Variants in IL1RAPL2 observed in about 807,000 individuals in gnomAD.
IL1RAPL2 encodes interleukin 1 receptor accessory protein like 2.
In IL1RAPL2, 3 loss-of-function variants were observed where a neutral mutation model predicts 44.1. That is an observed-to-expected ratio of 0.07 (90% CI 0.03 to 0.18). The LOEUF (loss-of-function observed/expected upper bound fraction) is 0.18. IL1RAPL2 is among the 10% of genes least tolerant of loss of function. The pLI, the probability that IL1RAPL2 is intolerant of heterozygous loss-of-function variation, is 1.00. For missense variants in IL1RAPL2, 391 were observed against 496.4 expected, an observed-to-expected ratio of 0.79 and a Z score of 2.02; for synonymous variants, 181 against 178.8, an observed-to-expected ratio of 1.01 and a Z score of -0.10.
At chrX:105,156,256 C>T (rs1469597587) in intron 2 of IL1RAPL2, among the ~76,000 whole-genome samples, 2 of 111,528 alleles carry the variant, frequency 1.8e-5, no homozygotes, top group Non-Finnish European at 3.8e-5. Context: ...TCTTAGGGGG[C>T]TTGGATTGAT....
chrX:105,388,919 A>G (rs1287468285), intron 5 of IL1RAPL2, among the ~76,000 whole-genome samples: 1 of 111,615 alleles, frequency 9.0e-6, no homozygotes, highest in African/African-American at 3.2e-5. Flanking sequence ...GTAACTTGAG[A>G]TGCAAGCTTA....
chrX:104,920,908 A>G (rs1378479599), intron 2 of IL1RAPL2, among the ~76,000 whole-genome samples: 2 of 110,775 alleles, frequency 1.8e-5, no homozygotes, highest in African/African-American at 3.3e-5. Context: ...TTGAGACAAA[A>G]CACTGAAATT....
chrX:105,542,423 AC>A (rs2036745641), intron 6 of IL1RAPL2, among the ~76,000 whole-genome samples: 1 of 110,773 alleles, frequency 9.0e-6, no homozygotes, highest in South Asian at 3.8e-4. Context: ...CGTAGAATAA[AC>A]CCCCCTCTTG....
intron 3 of IL1RAPL2, among the ~76,000 whole-genome samples, chrX:105,215,960 C>T (rs1350662451): frequency 2.7e-5 from 3 of 111,383 alleles, no homozygotes; most frequent in Non-Finnish European, 5.6e-5. Context: ...TGGAACATAT[C>T]TCAAAATAAT....
chrX:105,544,053 G>C (rs914996905), intron 6 of IL1RAPL2, among the ~76,000 whole-genome samples: 13 of 111,611 alleles, frequency 1.2e-4, no homozygotes, highest in African/African-American at 4.2e-4. Flanking sequence ...CATGAGCATG[G>C]AGTGTGTTTC....
At chrX:105,175,788 T>C (rs955498070) in intron 2 of IL1RAPL2, among the ~76,000 whole-genome samples, 2 of 111,139 alleles carry the variant, frequency 1.8e-5, no homozygotes, top group Admixed American at 1.9e-4. Context: ...TAACAGCATA[T>C]AACTAATTTG....
chrX:105,181,117 C>T (rs57729491), intron 2 of IL1RAPL2, among the ~76,000 whole-genome samples: 2,465 of 111,781 alleles, frequency 0.022, 56 homozygotes, highest in African/African-American at 0.076. Context: ...AGTTTGTGAG[C>T]ATACAGTTAT....
At chrX:104,594,388 T>G (rs1928724030) in intron 1 of IL1RAPL2, among the ~76,000 whole-genome samples, 1 of 111,822 alleles carries the variant, frequency 8.9e-6, no homozygotes, top group African/African-American at 3.2e-5. Flanking sequence ...CTTGCCTAAG[T>G]TTCTATATAA....
In IL1RAPL2 at chrX:105,709,518, C is replaced by T. The variant is rs751559228; in HGVS notation, c.773-7849C>T. Among the ~76,000 whole-genome samples the T allele has an allele frequency of 3.6e-5, 4 of 111,924 alleles. No individual in the cohort carries two copies. The South Asian group carries it at 1.5e-3, about 42-fold the overall frequency. ...GGCCAGCTACAAAATATGAGAACATCAGACCTGAAAGAGTCCTTAGAGATT... is the reference window on the plus strand; with the variant it reads ...GGCCAGCTACAAAATATGAGAACATTAGACCTGAAAGAGTCCTTAGAGATT... On this transcript the variant is annotated intron_variant, in intron 6 of 10. Transcript: ENST00000372582.
chrX:105,046,260 T>A (rs931892858), intron 2 of IL1RAPL2, among the ~76,000 whole-genome samples: 1 of 111,730 alleles, frequency 9.0e-6, no homozygotes, highest in Admixed American at 9.5e-5. Flanking sequence ...CAAATATGGC[T>A]TGAAGTAACC....
At chrX:105,044,069 A>G (rs998905723) in intron 2 of IL1RAPL2, among the ~76,000 whole-genome samples, 2 of 111,527 alleles carry the variant, frequency 1.8e-5, no homozygotes, top group Non-Finnish European at 3.8e-5. Context: ...TCAGGCCACT[A>G]AATGCATTAA....
intron 6 of IL1RAPL2, among the ~76,000 whole-genome samples, chrX:105,520,568 T>A (rs1439572247): frequency 8.9e-6 from 1 of 111,798 alleles, no homozygotes; most frequent in Admixed American, 9.5e-5. Flanking sequence ...GACTTAAAAT[T>A]GTGCCATATA....
chrX:105,666,750 T>G (rs1252936530), intron 6 of IL1RAPL2, among the ~76,000 whole-genome samples: 1 of 111,556 alleles, frequency 9.0e-6, no homozygotes, highest in Non-Finnish European at 1.9e-5. Flanking sequence ...GCATTTATAG[T>G]CCTATCTTAT....
chrX:105,082,588 G>A (rs1337341360), intron 2 of IL1RAPL2, among the ~76,000 whole-genome samples: 2 of 111,148 alleles, frequency 1.8e-5, no homozygotes, highest in African/African-American at 6.6e-5. Flanking sequence ...CTGGGTTGAA[G>A]CTTCTAGAGG....
Position 105,454,926 on chromosome X carries a change from A to G in IL1RAPL2, c.698-29387A>G, listed in dbSNP as rs777236774. On this transcript the variant is annotated intron_variant, in intron 5 of 10. Transcript: ENST00000372582. The stretch of plus-strand genomic sequence containing the variant: ...TTAAAAACTGCCCACAGCCCAGACT[A>G]CTGAAGCACTAGCGGATACCACTGA... Among the ~76,000 whole-genome samples the G allele has an allele frequency of 1.3e-4, 14 of 109,499 alleles. No homozygotes were observed. In the East Asian group the frequency reaches 4.1e-3, roughly 32 times the overall value.
In IL1RAPL2 at chrX:104,996,762, G is replaced by T. The variant is rs369060092; in HGVS notation, c.83-198713G>T. Among the ~76,000 whole-genome samples, 3 of 111,639 alleles carry T rather than the reference G, an allele frequency of 2.7e-5. No homozygotes were observed. The East Asian group carries it at 8.5e-4, about 32-fold the overall frequency. The stretch of plus-strand genomic sequence containing the variant: ...TGAGATCAAAGAACTTACATCTAAT[G>T]GAAGGTGAAAGACAAGAAAATATCA... On this transcript the variant is annotated intron_variant, in intron 2 of 10. Transcript: ENST00000372582.
At chrX:105,011,494 C>T (rs1258172001) in intron 2 of IL1RAPL2, among the ~76,000 whole-genome samples, 1 of 111,322 alleles carries the variant, frequency 9.0e-6, no homozygotes, top group Non-Finnish European at 1.9e-5. Flanking sequence ...TTAATCACAG[C>T]TAGTCCTTGG....
chrX:105,233,670 A>G (rs1432170477), intron 3 of IL1RAPL2, 148 bp from the exon 4 acceptor site: 11 of 462,202 alleles, frequency 2.4e-5, no homozygotes, highest in Non-Finnish European at 4.0e-5. Context: ...CAGTTGCAGC[A>G]TAAAACTGCT....
chrX:104,895,756 G>T (rs779868590), intron 2 of IL1RAPL2, among the ~76,000 whole-genome samples: 1 of 111,803 alleles, frequency 8.9e-6, no homozygotes, highest in South Asian at 3.8e-4. Flanking sequence ...GCCTCACCCT[G>T]CTTCAGCTCA....
Sources: gnomAD v4.1 joint callset for allele counts (sites outside exome capture counted in the v4.1 genomes callset) on GRCh38, gnomAD v4.1.1 for gene constraint, MANE v1.5 for transcripts, NCBI Gene and HGNC (gene_info 2026-07-23, HGNC 2026-07-21) for gene names.